Variants in RBFOX1 observed in about 807,000 individuals in gnomAD.
RBFOX1 encodes RNA binding protein fox-1 homolog 1.
RBFOX1 carries 8 observed loss-of-function variants against 57.7 expected under a neutral mutation model. That is an observed-to-expected ratio of 0.14 (90% CI 0.08 to 0.25). The LOEUF (loss-of-function observed/expected upper bound fraction) is 0.25. Ranked by LOEUF, RBFOX1 falls within the 10% of genes least tolerant of loss-of-function variation. The pLI, the probability that RBFOX1 is intolerant of heterozygous loss-of-function variation, is 1.00. For missense variants in RBFOX1, 611 were observed against 548.5 expected (o/e 1.11, Z -1.14); for synonymous variants, 326 against 222.4 (o/e 1.47, Z -4.15).
At chr16:6,829,496 C>CA (rs1044487416) in intron 3 of RBFOX1, among the ~76,000 whole-genome samples, 6 of 134,976 alleles carry the variant, frequency 4.4e-5, no homozygotes, top group African/African-American at 1.4e-4. Flanking sequence ...AAAAAAAAAA[C>CA]AAAAAAACGT....
intron 4 of RBFOX1, among the ~76,000 whole-genome samples, chr16:7,198,766 A>C (rs1373765382): frequency 1.3e-5 from 2 of 152,088 alleles, no homozygotes; most frequent in Non-Finnish European, 2.9e-5. Context: ...TAATCTAATC[A>C]CCTCTTACTG....
chr16:7,417,013 C>A (rs1413455190), intron 4 of RBFOX1, among the ~76,000 whole-genome samples: 3 of 152,082 alleles, frequency 2.0e-5, no homozygotes, highest in South Asian at 2.1e-4. Context: ...CGTAAACTTA[C>A]ACTTTGCCTA....
chr16:7,117,680 C>T (rs73542922), intron 4 of RBFOX1, among the ~76,000 whole-genome samples: 204 of 152,294 alleles, frequency 1.3e-3, no homozygotes, highest in African/African-American at 4.7e-3. Flanking sequence ...AGAAGCTTAA[C>T]ACAACACTCT....
intron 4 of RBFOX1, among the ~76,000 whole-genome samples, chr16:7,383,692 C>T (rs558447674): frequency 1.3e-5 from 2 of 152,156 alleles, no homozygotes; most frequent in South Asian, 2.1e-4. Context: ...CCTTAAGTTC[C>T]CATTCTGTAT....
chr16:5,596,727 A>AC (rs1425807146), intron 2 of RBFOX1, among the ~76,000 whole-genome samples: 1 of 152,218 alleles, frequency 6.6e-6, no homozygotes, highest in African/African-American at 2.4e-5. Flanking sequence ...AAAGAAAGTG[A>AC]CAAAAGCCAG....
At chr16:6,482,822 CATAA>C (rs1047954301) in intron 2 of RBFOX1, among the ~76,000 whole-genome samples, 17 of 152,192 alleles carry the variant, frequency 1.1e-4, no homozygotes, top group Non-Finnish European at 1.5e-5. Flanking sequence ...TATTGGAAGT[CATAA>C]ATACTGTCCC....
At chr16:6,665,278 C>A (rs1289797372) in intron 3 of RBFOX1, among the ~76,000 whole-genome samples, 1 of 152,056 alleles carries the variant, frequency 6.6e-6, no homozygotes, top group African/African-American at 2.4e-5. Flanking sequence ...GCCACCCCAG[C>A]AGTGGGATGG....
intron 2 of RBFOX1, among the ~76,000 whole-genome samples, chr16:6,611,947 C>T (rs1346093262): frequency 6.6e-6 from 1 of 152,046 alleles, no homozygotes; most frequent in Non-Finnish European, 1.5e-5. Context: ...GCAGTCACCT[C>T]TTCCTCAATT....
chr16:5,764,001 G>T (rs1040078104), intron 3 of RBFOX1, among the ~76,000 whole-genome samples: 6 of 152,160 alleles, frequency 3.9e-5, no homozygotes, highest in African/African-American at 1.4e-4. Flanking sequence ...CTCAAGGGCA[G>T]GTACTTTATC....
At chr16:7,374,699 T>C (rs1461765839) in intron 4 of RBFOX1, among the ~76,000 whole-genome samples, 1 of 152,200 alleles carries the variant, frequency 6.6e-6, no homozygotes, top group Non-Finnish European at 1.5e-5. Flanking sequence ...ATTCCCTCTT[T>C]TGTCTTCAAC....
intron 3 of RBFOX1, among the ~76,000 whole-genome samples, chr16:6,829,256 A>G (rs960079907): frequency 6.6e-6 from 1 of 152,118 alleles, no homozygotes; most frequent in African/African-American, 2.4e-5. Context: ...GAAAAAAAAA[A>G]AAAATAGCAT....
At chr16:7,411,322 C>G (rs1033410754) in intron 4 of RBFOX1, among the ~76,000 whole-genome samples, 2 of 152,074 alleles carry the variant, frequency 1.3e-5, no homozygotes, top group African/African-American at 4.8e-5. Context: ...AGGTCTCATC[C>G]TCCTCAGTTT....
chr16:5,518,339 A>G (rs1433951403), intron 2 of RBFOX1, among the ~76,000 whole-genome samples: 4 of 142,846 alleles, frequency 2.8e-5, no homozygotes, highest in Non-Finnish European at 6.2e-5. Flanking sequence ...CACCATTTTC[A>G]ATCTCCAAAG....
intron 4 of RBFOX1, among the ~76,000 whole-genome samples, chr16:7,110,105 A>G (rs894642055): frequency 6.6e-6 from 1 of 150,952 alleles, no homozygotes; most frequent in Non-Finnish European, 1.5e-5. Flanking sequence ...TTCCCAGCAC[A>G]TTGGGAGGCT....
chr16:6,611,318 T>C lies in RBFOX1; in HGVS notation c.-63-43285T>C, dbSNP rs148281124. ...CACACCACCACGCCTGGCTAATTTT[T>C]GTATTTTTAGTAGAGACAGGGTTTT... is the stretch of plus-strand genomic sequence containing the variant. On this transcript the variant is annotated intron_variant, in intron 2 of 15. Transcript: ENST00000550418. 5.8e-3 allele frequency among the ~76,000 whole-genome samples: 889 copies of C among 152,214 alleles called. 9 individuals carry two copies. The highest frequency in any genetic ancestry group is 8.4e-3 in the Non-Finnish European group (570 of 67,984).
chr16:7,053,132 G>A (rs539748176), intron 4 of RBFOX1, among the ~76,000 whole-genome samples: 1 of 152,218 alleles, frequency 6.6e-6, no homozygotes, highest in Non-Finnish European at 1.5e-5. Flanking sequence ...ATAATTTGTA[G>A]AGTTGCTTCC....
intron 1 of RBFOX1, among the ~76,000 whole-genome samples, chr16:5,271,465 G>T (rs1219051191): frequency 1.3e-5 from 2 of 152,264 alleles, no homozygotes; most frequent in African/African-American, 4.8e-5. Context: ...TGTTCAGCCT[G>T]GTCTGGGATC....
At chr16:7,026,368 C>CTAGAA (rs2040934307) in intron 3 of RBFOX1, among the ~76,000 whole-genome samples, 1 of 152,158 alleles carries the variant, frequency 6.6e-6, no homozygotes, top group South Asian at 2.1e-4. Context: ...CAAAGGAATT[C>CTAGAA]AATCTAGTTT....
At chr16:7,579,998 A>G in intron 6 of RBFOX1, 78 bp downstream of exon 6, 1 of 1,488,794 alleles carries the variant, frequency 6.7e-7, no homozygotes, top group Non-Finnish European at 9.3e-7. Flanking sequence ...AGTTTGGGGT[A>G]TTTACAATAC....
Sources: gnomAD v4.1 joint callset for allele counts (sites outside exome capture counted in the v4.1 genomes callset) on GRCh38, gnomAD v4.1.1 for gene constraint, MANE v1.5 for transcripts, NCBI Gene and HGNC (gene_info 2026-07-23, HGNC 2026-07-21) for gene names.